The following VPS13B variants were observed in gnomAD, a reference collection of about 807,000 sequenced individuals.
VPS13B encodes vacuolar protein sorting 13 homolog B.
In VPS13B, 285 loss-of-function variants were observed where a neutral mutation model predicts 426.4. The observed-to-expected ratio is 0.67, with a 90% CI of 0.61 to 0.74. The LOEUF (loss-of-function observed/expected upper bound fraction) is 0.74. Ranked by LOEUF, VPS13B falls within the 30% of genes least tolerant of loss-of-function variation. The pLI is 0.00. For missense variants in VPS13B, 4,537 were observed against 4,782.6 expected, an observed-to-expected ratio of 0.95 and a Z score of 1.51; for synonymous variants, 1,676 against 1,676.4, an observed-to-expected ratio of 1.00 and a Z score of 0.01.
rs947589605 is a variant in VPS13B, at chr8:99,151,713, A to G, written c.2013+3703A>G. ...CATGCCTGGCTAATTTTGTATTTTT[A>G]GTAGAGAAGGGGTTTCTCCATGTCA... is the stretch of plus-strand genomic sequence containing the variant. On this transcript the variant is annotated intron_variant, in intron 14 of 61. Transcript: ENST00000357162. 7.9e-5 allele frequency among the ~76,000 whole-genome samples: 12 copies of G among 152,174 alleles called. No homozygotes were observed. The South Asian group carries it at 8.3e-4, about 11-fold the overall frequency.
intron 30 of VPS13B, among the ~76,000 whole-genome samples, chr8:99,528,427 T>C (rs1220835468): frequency 6.6e-6 from 1 of 152,088 alleles, no homozygotes; most frequent in African/African-American, 2.4e-5. Flanking sequence ...CAATAGTAGA[T>C]ATATATTTTT....
At chr8:99,509,778 A>C (rs1367460379) in intron 28 of VPS13B, among the ~76,000 whole-genome samples, 1 of 152,194 alleles carries the variant, frequency 6.6e-6, no homozygotes, top group Non-Finnish European at 1.5e-5. Context: ...GGAATATAAC[A>C]GTTCTCCTCT....
chr8:99,537,137 TCTCA>T (rs1563783089), intron 30 of VPS13B, among the ~76,000 whole-genome samples: 1 of 152,184 alleles, frequency 6.6e-6, no homozygotes, highest in Admixed American at 6.5e-5. Flanking sequence ...GGTCTGAATC[TCTCA>T]CTATTTTTTT....
chr8:99,511,398 C>T lies in VPS13B; in HGVS notation c.4519C>T (p.Gln1507Ter), dbSNP rs1178400279. ...AAAAGAGAAAAGAAAATCTCCTGGT[C>T]AGCCCATGAGGACCCATACACTGAC... is the stretch of plus-strand genomic sequence containing the variant. ...TQKEKRKSPGQPMRTHTLTSR... is the reference protein window; with the variant it reads ...TQKEKRKSPG The change falls in exon 29 of 62, where the codon CAG becomes TAG. Residue 1507 changes from glutamine to a stop codon, truncating the protein, a stop_gained. Coordinates refer to ENST00000357162, the MANE Select transcript of VPS13B (RefSeq NM_152564.5). LOFTEE classifies it high-confidence loss of function. The T allele has an allele frequency of 1.2e-6, 2 of 1,613,876 alleles. No individual in the cohort carries two copies. Among genetic ancestry groups the T allele is most frequent in the Non-Finnish European group, 1.7e-6 (2 of 1,179,978 alleles).
rs1821246785 is a variant in VPS13B, at chr8:99,501,819, A to G, written c.4003A>G (p.Ile1335Val). Residue 1335 changes from isoleucine to valine, a missense_variant, in exon 26 of 62, where the codon ATA becomes GTA. Around this residue, in one of 2 missense-constraint regions of VPS13B, gnomAD observed 4,311 missense variants for 4,474.3 expected, o/e 0.96. Coordinates refer to ENST00000357162, the MANE Select transcript of VPS13B (RefSeq NM_152564.5). ...GCAGTGGGTGCTTCCCAAAATTACT[A>G]TAAAGCTCTTTGCTCCAGATCCTGA... ...WMQWVLPKIT[I>V]KLFAPDPENK... 5.0e-6 allele frequency: 8 copies of G among 1,613,938 alleles called. No homozygotes were observed. The highest frequency in any genetic ancestry group is 2.2e-5 in the South Asian group (2 of 91,082).
intron 25 of VPS13B, among the ~76,000 whole-genome samples, chr8:99,499,919 C>T (rs563432835): frequency 6.6e-6 from 1 of 152,256 alleles, no homozygotes; most frequent in East Asian, 1.9e-4. Context: ...GGGCCTCCTT[C>T]TGAGGTTGCA....
intron 22 of VPS13B, among the ~76,000 whole-genome samples, chr8:99,440,978 T>C (rs1817651457): frequency 6.6e-6 from 1 of 152,070 alleles, no homozygotes; most frequent in Non-Finnish European, 1.5e-5. Flanking sequence ...ACTAATGAAT[T>C]ATGTTAAATA....
intron 40 of VPS13B, among the ~76,000 whole-genome samples, chr8:99,768,060 T>C (rs552939086): frequency 2.6e-4 from 39 of 152,212 alleles, no homozygotes; most frequent in Non-Finnish European, 4.6e-4. Flanking sequence ...TTACACACAT[T>C]TGCTAAGTCC....
At chr8:99,477,539 G>A (rs964620086) in intron 24 of VPS13B, among the ~76,000 whole-genome samples, 112 of 152,252 alleles carry the variant, frequency 7.4e-4, no homozygotes, top group African/African-American at 2.6e-3. Context: ...CAGTGTGTAC[G>A]TTTCTTGATT....
intron 31 of VPS13B, among the ~76,000 whole-genome samples, chr8:99,573,419 T>C (rs1201954972): frequency 2.6e-5 from 4 of 152,258 alleles, no homozygotes; most frequent in Non-Finnish European, 5.9e-5. Context: ...CTTCTAGGGT[T>C]TTTATGGTTT....
chr8:99,462,142 A>C (rs1818870826), intron 23 of VPS13B, among the ~76,000 whole-genome samples: 4 of 133,812 alleles, frequency 3.0e-5, no homozygotes, highest in South Asian at 2.4e-4. Flanking sequence ...TTCCTTTCCT[A>C]ACTCTCCCTT....
chr8:99,429,393 T>C (rs1337356370), intron 21 of VPS13B, among the ~76,000 whole-genome samples: 1 of 151,528 alleles, frequency 6.6e-6, no homozygotes, highest in Non-Finnish European at 1.5e-5. Context: ...ATTTTAAAAA[T>C]AAGTTACTAG....
At chr8:99,301,541 C>T (rs1820367676) in intron 19 of VPS13B, among the ~76,000 whole-genome samples, 2 of 152,012 alleles carry the variant, frequency 1.3e-5, no homozygotes, top group South Asian at 2.1e-4. Context: ...CTGCCTGCCT[C>T]GGCCTCCCAA....
chr8:99,870,144 A>G (rs1479036323), intron 59 of VPS13B, among the ~76,000 whole-genome samples: 1 of 152,214 alleles, frequency 6.6e-6, no homozygotes, highest in East Asian at 1.9e-4. Flanking sequence ...GCACAGATAC[A>G]GAAGTATTAA....
At chr8:99,492,971 C>T (rs1820697044) in intron 25 of VPS13B, among the ~76,000 whole-genome samples, 1 of 152,188 alleles carries the variant, frequency 6.6e-6, no homozygotes, top group South Asian at 2.1e-4. Context: ...GAGCTGTAGG[C>T]TAGAGCTGTT....
chr8:99,413,155 C>G (rs140059706), intron 21 of VPS13B, among the ~76,000 whole-genome samples: 90 of 152,128 alleles, frequency 5.9e-4, no homozygotes, highest in African/African-American at 2.1e-3. Context: ...CTTTGTACCT[C>G]TGGTAGAATT....
intron 23 of VPS13B, among the ~76,000 whole-genome samples, chr8:99,463,923 G>A (rs1165046297): frequency 1.3e-5 from 2 of 152,042 alleles, no homozygotes; most frequent in East Asian, 3.9e-4. Context: ...TTGAACTCTC[G>A]ACCTCAGGTG....
Position 99,228,735 on chromosome 8 carries a change from C to T in VPS13B, c.2515+35678C>T, listed in dbSNP as rs371989575. Among the ~76,000 whole-genome samples the T allele has an allele frequency of 4.6e-5, 7 of 151,700 alleles. No homozygotes were observed. In the South Asian group the frequency reaches 8.3e-4, roughly 18 times the overall value. ...TTATGAGGCACTGGGGTTTTTAATGCGAAGAAGGTACAGATTGCGGGAGCT... is the reference window on the plus strand; with the variant it reads ...TTATGAGGCACTGGGGTTTTTAATGTGAAGAAGGTACAGATTGCGGGAGCT... On this transcript the variant is annotated intron_variant, in intron 17 of 61. Transcript: ENST00000357162.
chr8:99,352,320 A>G (rs1181874595), intron 19 of VPS13B, among the ~76,000 whole-genome samples: 51 of 152,198 alleles, frequency 3.4e-4, no homozygotes, highest in African/African-American at 2.4e-5. Flanking sequence ...ACACAAATGA[A>G]ATGACCTCAT....
Sources: gnomAD v4.1 joint callset for allele counts (sites outside exome capture counted in the v4.1 genomes callset) on GRCh38, gnomAD v4.1.1 for gene constraint, gnomAD v4.1.1 regional missense constraint, MANE v1.5 for transcripts, NCBI Gene and HGNC (gene_info 2026-07-23, HGNC 2026-07-21) for gene names.